SLC35E4: variants seen among roughly 807,000 people sequenced by gnomAD.
SLC35E4 encodes solute carrier family 35, member E4.
SLC35E4 carries 15 observed loss-of-function variants against 19.3 expected under a neutral mutation model. That is an observed-to-expected ratio of 0.78 (90% CI 0.52 to 1.20). The LOEUF (loss-of-function observed/expected upper bound fraction) is 1.20. Among genes scored for constraint, SLC35E4 ranks in the 50% most tolerant of loss-of-function variants. SLC35E4 has a pLI of 0.00. For missense variants in SLC35E4, 406 were observed against 472.3 expected, an observed-to-expected ratio of 0.86 and a Z score of 1.30; for synonymous variants, 219 against 219.9, an observed-to-expected ratio of 1.00 and a Z score of 0.04.
chr22:30,641,540 AATTTT>A (rs899971064), intron 1 of SLC35E4, among the ~76,000 whole-genome samples: 2 of 151,494 alleles, frequency 1.3e-5, no homozygotes, highest in Admixed American at 6.6e-5. Flanking sequence ...ATAATTTTTA[AATTTT>A]ATTTTATTAT....
Position 30,647,039 on chromosome 22 carries a change from G to A in SLC35E4, c.*8G>A. 1 of 1,581,434 alleles carries A rather than the reference G, an allele frequency of 6.3e-7. No homozygotes were observed. Among genetic ancestry groups the A allele is most frequent in the Admixed American group, 1.7e-5 (1 of 58,172 alleles). On this transcript the variant is annotated 3_prime_UTR_variant, in exon 2 of 2. Coordinates refer to ENST00000343605, the MANE Select transcript of SLC35E4 (RefSeq NM_001001479.4). ...CCCAGCAAGGGTCTTTGAGACCTGG[G>A]GGATCTCAGGAGCCACCTGGGATGG...
At chr22:30,637,253 C>T (rs1208094581) in intron 1 of SLC35E4, among the ~76,000 whole-genome samples, 184 bp downstream of exon 1, 1 of 152,198 alleles carries the variant, frequency 6.6e-6, no homozygotes, top group African/African-American at 2.4e-5. Context: ...AGGCCCCAGA[C>T]TCAGGCTCTG....
chr22:30,657,909 T>A (rs1409597045), intron 2 of SLC35E4, among the ~76,000 whole-genome samples: 3 of 14,190 alleles, frequency 2.1e-4, no homozygotes, highest in African/African-American at 6.2e-4. Flanking sequence ...GTCTCAAAAA[T>A]AATAATAATA....
rs149502860 is a variant in SLC35E4 at position 30,637,029 on chromosome 22, C to T, written c.579C>T (p.Leu193=). Residue 193 remains leucine (L), a synonymous_variant, in exon 1 of 2, where the codon CTC becomes CTT. Coordinates refer to ENST00000343605, the MANE Select transcript of SLC35E4 (RefSeq NM_001001479.4). The part of the protein sequence containing the change: ...RTPPTGCGFL[L]AATCLRGLKS... ...CCCCTACCGGCTGTGGCTTCCTGCT[C>T]GCAGCCACCTGCCTCCGCGGACTCA... The T allele has an allele frequency of 2.4e-4, 383 of 1,591,014 alleles. 1 individual carries two copies. In the African/African-American group the frequency reaches 4.6e-3, roughly 19 times the overall value.
chr22:30,643,382 G>C (rs1602075873), intron 1 of SLC35E4, among the ~76,000 whole-genome samples: 2 of 152,230 alleles, frequency 1.3e-5, no homozygotes, highest in East Asian at 3.8e-4. Flanking sequence ...TCTTCCTGGG[G>C]AGCGCTGAGA....
chr22:30,648,246 C>G (rs1488171409), downstream of SLC35E4, among the ~76,000 whole-genome samples: 1 of 152,194 alleles, frequency 6.6e-6, no homozygotes, highest in Non-Finnish European at 1.5e-5. Flanking sequence ...GTGGCACCTG[C>G]AGCCTCACCC....
At position 30,638,395 on chromosome 22, in the gene SLC35E4, G is replaced by A. The variant is rs192553301; in HGVS notation, c.619+1326G>A. ...CAGGTGTCTGTAATCCCAGCTACTC[G>A]GGAGGCTGAGGCAGGAGAATAGCTT... is the stretch of plus-strand genomic sequence containing the variant. On this transcript the variant is annotated intron_variant, in intron 1 of 1. Coordinates refer to ENST00000343605, the MANE Select transcript of SLC35E4 (RefSeq NM_001001479.4). Among the ~76,000 whole-genome samples, 61 of 151,008 alleles carry A rather than the reference G, an allele frequency of 4.0e-4. No homozygotes were observed. In the East Asian group the frequency reaches 0.011, roughly 26 times the overall value.
At chr22:30,639,325 G>A (rs1602071196) in intron 1 of SLC35E4, among the ~76,000 whole-genome samples, 1 of 152,234 alleles carries the variant, frequency 6.6e-6, no homozygotes, top group East Asian at 1.9e-4. Context: ...CAAGGTAATA[G>A]AATATCACAA....
chr22:30,648,845 A>G (rs890027212), downstream of SLC35E4, among the ~76,000 whole-genome samples: 9 of 150,884 alleles, frequency 6.0e-5, no homozygotes, highest in Admixed American at 1.3e-4. Flanking sequence ...ATCTCTTTCA[A>G]AAAAAAAAAG....
At chr22:30,655,143 T>C (rs2088309236) in intron 2 of SLC35E4, among the ~76,000 whole-genome samples, 1 of 151,850 alleles carries the variant, frequency 6.6e-6, no homozygotes, top group South Asian at 2.1e-4. Context: ...TGGCCCAGGG[T>C]TGTAGGGACA....
chr22:30,665,605 C>G (rs1352343706), downstream of SLC35E4: 3 of 465,892 alleles, frequency 6.4e-6, no homozygotes, highest in Non-Finnish European at 8.9e-6. Context: ...CCCTCCCTCA[C>G]GTTTGACCAA....
chr22:30,663,968 G>A (rs766487745), downstream of SLC35E4: 4 of 1,614,044 alleles, frequency 2.5e-6, no homozygotes, highest in Admixed American at 6.7e-5. Flanking sequence ...AGGGCTGCCG[G>A]AACTGAACTG....
chr22:30,642,796 A>C (rs183519352), intron 1 of SLC35E4, among the ~76,000 whole-genome samples: 1 of 151,228 alleles, frequency 6.6e-6, no homozygotes, highest in Non-Finnish European at 1.5e-5. Flanking sequence ...TTGGGAGGCC[A>C]AGGTGGGTGG....
At chr22:30,660,336 CTT>C (rs1310129643) in intron 2 of SLC35E4, among the ~76,000 whole-genome samples, 1 of 151,932 alleles carries the variant, frequency 6.6e-6, no homozygotes, top group Admixed American at 6.5e-5. Context: ...CACAGTCTCA[CTT>C]TGTCACTCAG....
chr22:30,658,992 C>T (rs1230620410), intron 2 of SLC35E4, among the ~76,000 whole-genome samples: 3 of 151,890 alleles, frequency 2.0e-5, no homozygotes, highest in Non-Finnish European at 2.9e-5. Context: ...GGCATGGTGG[C>T]GGGTCCCTGT....
intron 1 of SLC35E4, among the ~76,000 whole-genome samples, chr22:30,640,842 C>A (rs1362518137): frequency 6.6e-6 from 1 of 152,078 alleles, no homozygotes; most frequent in Non-Finnish European, 1.5e-5. Context: ...TCCTGTGACC[C>A]AGGCCTGGGA....
chr22:30,662,128 G>A (rs8630), exon 3 of SLC35E4: 95,598 of 151,528 alleles, frequency 0.63, 31,194 homozygotes, highest in East Asian at 0.81. Context: ...TGCCATTATG[G>A]GGATGTGTGT....
intron 2 of SLC35E4, among the ~76,000 whole-genome samples, chr22:30,653,616 GC>G (rs146345605): frequency 2.6e-5 from 4 of 151,438 alleles, no homozygotes; most frequent in Admixed American, 6.6e-5. Context: ...CAAGTGACCC[GC>G]CCCCCCTCGG....
At chr22:30,663,426 C>A (rs1011008862), downstream of SLC35E4, 1 of 1,597,966 alleles carries the variant, frequency 6.3e-7, no homozygotes. Flanking sequence ...TGCAGGGGCT[C>A]GTGGGATGGC....
Sources: gnomAD v4.1 joint callset for allele counts (sites outside exome capture counted in the v4.1 genomes callset) on GRCh38, gnomAD v4.1.1 for gene constraint, MANE v1.5 for transcripts, NCBI Gene and HGNC (gene_info 2026-07-23, HGNC 2026-07-21) for gene names.